LCLAT1: variants seen among roughly 807,000 people sequenced by gnomAD.
LCLAT1 encodes 1-AGP acyltransferase 8.
Under a neutral mutation model 30.7 loss-of-function variants are expected in LCLAT1, and 11 were observed. The observed-to-expected ratio is 0.36, with a 90% confidence interval of 0.23 to 0.59. The LOEUF (loss-of-function observed/expected upper bound fraction) is 0.59, where lower values mean the gene tolerates loss of function less well. Among genes scored for constraint, LCLAT1 ranks in the 20% least tolerant of loss-of-function variants. LCLAT1 has a pLI of 0.77. For missense variants in LCLAT1, 402 were observed against 458.6 expected, an observed-to-expected ratio of 0.88 and a Z score of 1.13; for synonymous variants, 155 against 151.3, an observed-to-expected ratio of 1.02 and a Z score of -0.18.
intron 1 of LCLAT1, among the ~76,000 whole-genome samples, chr2:30,457,967 A>T (rs145866029): frequency 6.6e-6 from 1 of 152,130 alleles, no homozygotes. Context: ...TAACATAAGA[A>T]TTCTTTTTAA....
chr2:30,552,569 T>C (rs980211192), intron 3 of LCLAT1: 1 of 449,006 alleles, frequency 2.2e-6, no homozygotes, highest in African/African-American at 2.0e-5. Context: ...TAAAATTACC[T>C]GTCATCAGAG....
chr2:30,630,937 G>A (rs758556312), intron 5 of LCLAT1, among the ~76,000 whole-genome samples: 3 of 152,102 alleles, frequency 2.0e-5, no homozygotes, highest in Non-Finnish European at 2.9e-5. Flanking sequence ...AAAAGAAATA[G>A]AAAGCCTGTT....
Position 30,620,273 on chromosome 2 carries a change from T to G in LCLAT1, c.629-19844T>G, listed in dbSNP as rs202222098. ...GCCCCTGTATGTGATCATCATCTCT[T>G]GGAGTGCTTGCTAAAATACAGTTTG... On this transcript the variant is annotated intron_variant, in intron 5 of 5. Coordinates refer to ENST00000379509, the MANE Select transcript of LCLAT1 (RefSeq NM_001002257.3). Among the ~76,000 whole-genome samples, 21 of 152,278 alleles carry G rather than the reference T, an allele frequency of 1.4e-4. No individual in the cohort carries two copies. In the East Asian group the frequency reaches 4.1e-3, roughly 29 times the overall value.
At chr2:30,595,872 C>CACTT (rs776416189) in intron 5 of LCLAT1, among the ~76,000 whole-genome samples, 1 of 152,106 alleles carries the variant, frequency 6.6e-6, no homozygotes, top group African/African-American at 2.4e-5. Context: ...GTTCACCTCC[C>CACTT]ACTTACAAGT....
At chr2:30,605,182 C>T (rs142569953) in intron 5 of LCLAT1, among the ~76,000 whole-genome samples, 189 of 152,274 alleles carry the variant, frequency 1.2e-3, no homozygotes, top group African/African-American at 4.1e-3. Flanking sequence ...ATTTATAGTG[C>T]GGAGATTTAC....
intron 5 of LCLAT1, among the ~76,000 whole-genome samples, chr2:30,629,455 G>A (rs777763219): frequency 6.6e-6 from 1 of 152,170 alleles, no homozygotes; most frequent in Non-Finnish European, 1.5e-5. Context: ...AGCCACTTGG[G>A]AGGCTGAGGC....
intron 1 of LCLAT1, among the ~76,000 whole-genome samples, chr2:30,517,168 C>G (rs892420058): frequency 6.6e-6 from 1 of 152,150 alleles, no homozygotes; most frequent in African/African-American, 2.4e-5. Flanking sequence ...GAATCTACTT[C>G]CTCCAGTCCC....
chr2:30,611,981 C>A (rs1667760694), intron 5 of LCLAT1, among the ~76,000 whole-genome samples: 1 of 151,730 alleles, frequency 6.6e-6, no homozygotes. Context: ...GGTGGGACTC[C>A]CATGTGTCCT....
intron 5 of LCLAT1, among the ~76,000 whole-genome samples, chr2:30,576,085 T>C (rs1665982632): frequency 6.6e-6 from 1 of 152,210 alleles, no homozygotes; most frequent in African/African-American, 2.4e-5. Flanking sequence ...TGTATTTTAC[T>C]CATGCATAAG....
chr2:30,461,327 C>T (rs148568885), intron 1 of LCLAT1, among the ~76,000 whole-genome samples: 13 of 152,244 alleles, frequency 8.5e-5, no homozygotes, highest in African/African-American at 2.2e-4. Context: ...GTGGTATGTG[C>T]GCTGCATGCA....
At chr2:30,595,262 T>A (rs1562415) in intron 5 of LCLAT1, among the ~76,000 whole-genome samples, 1 of 150,584 alleles carries the variant, frequency 6.6e-6, no homozygotes, top group Non-Finnish European at 1.5e-5. Flanking sequence ...TTTGTGGGGG[T>A]TTTTTTTTCC....
At chr2:30,518,180 A>G (rs1238845425) in intron 1 of LCLAT1, among the ~76,000 whole-genome samples, 1 of 152,256 alleles carries the variant, frequency 6.6e-6, no homozygotes, top group Non-Finnish European at 1.5e-5. Context: ...TCTTTAGAAA[A>G]AGATGATTTA....
chr2:30,608,200 A>G (rs1195456523), intron 5 of LCLAT1, among the ~76,000 whole-genome samples: 2 of 151,578 alleles, frequency 1.3e-5, no homozygotes, highest in East Asian at 1.9e-4. Context: ...AGGTGCCTCT[A>G]TTCCCATCTA....
At chr2:30,610,145 A>C (rs981968594) in intron 5 of LCLAT1, among the ~76,000 whole-genome samples, 1 of 152,084 alleles carries the variant, frequency 6.6e-6, no homozygotes, top group African/African-American at 2.4e-5. Context: ...ATTTCTTAAA[A>C]GGTTTTAGTT....
At chr2:30,596,297 G>T (rs921640813) in intron 5 of LCLAT1, among the ~76,000 whole-genome samples, 2 of 152,048 alleles carry the variant, frequency 1.3e-5, no homozygotes, top group Admixed American at 6.6e-5. Flanking sequence ...AGCCTTGCCA[G>T]CATCTGTTGT....
intron 1 of LCLAT1, among the ~76,000 whole-genome samples, chr2:30,512,899 C>T (rs369085822): frequency 3.3e-5 from 5 of 152,068 alleles, no homozygotes; most frequent in African/African-American, 1.2e-4. Context: ...ATGTTGTATC[C>T]ATTTCTCTGT....
chr2:30,506,427 A>G (rs940880798), intron 1 of LCLAT1, among the ~76,000 whole-genome samples: 9 of 152,110 alleles, frequency 5.9e-5, no homozygotes, highest in Non-Finnish European at 1.3e-4. Context: ...ATAAGTAAAG[A>G]TGAGTAAAGT....
At chr2:30,609,878 T>A (rs1667648847) in intron 5 of LCLAT1, among the ~76,000 whole-genome samples, 1 of 152,174 alleles carries the variant, frequency 6.6e-6, no homozygotes, top group South Asian at 2.1e-4. Context: ...TGTCTTTAAA[T>A]CTCCCATGGT....
intron 5 of LCLAT1, among the ~76,000 whole-genome samples, chr2:30,617,900 A>G (rs1003332662): frequency 6.6e-5 from 10 of 152,170 alleles, no homozygotes; most frequent in Non-Finnish European, 1.2e-4. Context: ...GTTATTTATA[A>G]TATATTTGGT....
Sources: allele counts gnomAD v4.1 joint callset (sites outside exome capture counted in the v4.1 genomes callset), GRCh38; gene constraint gnomAD v4.1.1; transcripts MANE v1.5; gene names NCBI Gene and HGNC (gene_info 2026-07-23, HGNC 2026-07-21).